The following FAM81A variants were observed in gnomAD, a reference collection of about 807,000 sequenced individuals.
FAM81A encodes the protein protein FAM81A.
A neutral mutation model predicts 46.7 loss-of-function variants in FAM81A; 19 were observed. The ratio of observed to expected loss-of-function variants is 0.41; its 90% CI spans 0.28 to 0.60. The LOEUF is 0.60. Among genes scored for constraint, FAM81A ranks in the 20% least tolerant of loss-of-function variants. FAM81A has a pLI of 0.34. For missense variants in FAM81A, 377 were observed against 453.5 expected, an observed-to-expected ratio of 0.83 and a Z score of 1.53; for synonymous variants, 183 against 152.9, an observed-to-expected ratio of 1.20 and a Z score of -1.45.
At chr15:59,519,309 C>G (rs746642956) in intron 8 of FAM81A, among the ~76,000 whole-genome samples, 6 of 151,948 alleles carry the variant, frequency 3.9e-5, no homozygotes, top group Non-Finnish European at 7.4e-5. Context: ...ATACCTCAGC[C>G]CCGCGGGTAG....
At chr15:59,427,510 GT>G (rs1348454316) in intron 2 of FAM81A, among the ~76,000 whole-genome samples, 1 of 151,854 alleles carries the variant, frequency 6.6e-6, no homozygotes, top group Non-Finnish European at 1.5e-5. Context: ...TATTTATTCT[GT>G]TTTTTTAATA....
chr15:59,414,053 A>G (rs2081134661), intron 2 of FAM81A, among the ~76,000 whole-genome samples: 1 of 152,140 alleles, frequency 6.6e-6, no homozygotes, highest in Admixed American at 6.5e-5. Flanking sequence ...TCCCGGGTTC[A>G]AGCGATTCTC....
chr15:59,512,002 T>C (rs2082215125), intron 6 of FAM81A, among the ~76,000 whole-genome samples: 1 of 152,088 alleles, frequency 6.6e-6, no homozygotes, highest in Admixed American at 6.5e-5. Flanking sequence ...CCAAAACAAA[T>C]GTCCATCAAC....
At position 59,467,334 on chromosome 15, in the gene FAM81A, C is replaced by CA. The variant is rs552343302; in HGVS notation, c.294+7129dup. Among the ~76,000 whole-genome samples the CA allele has an allele frequency of 3.3e-5, 5 of 152,266 alleles. No homozygotes were observed. The South Asian group carries it at 1.0e-3, about 32-fold the overall frequency. ...TTTCACGATATTGATTCTTCCTATCCATGAGCATGGAATATTCTTCCATTT... is the reference window on the plus strand; with the variant it reads ...TTTCACGATATTGATTCTTCCTATCCAATGAGCATGGAATATTCTTCCATTT... On this transcript the variant is annotated intron_variant, in intron 3 of 8. Transcript: ENST00000288228.
chr15:59,472,287 G>A (rs775431719), intron 3 of FAM81A, among the ~76,000 whole-genome samples: 24 of 152,068 alleles, frequency 1.6e-4, no homozygotes, highest in African/African-American at 5.6e-4. Context: ...GCAGTGAGCC[G>A]TAGTCATGCC....
At position 59,489,264 on chromosome 15, in the gene FAM81A, CAAATACAT is replaced by C. The variant is rs1413416060; in HGVS notation, c.295-3005_295-2998del. ...GGGACAACAGAGCGAGACTCCATCT[CAAATACAT>C]ACATACATACATACATACATACATA... On this transcript the variant is annotated intron_variant, in intron 3 of 8. Transcript: ENST00000288228. Among the ~76,000 whole-genome samples the C allele has an allele frequency of 4.0e-3, 502 of 126,582 alleles. 1 individual carries two copies. Among genetic ancestry groups the C allele is most frequent in the African/African-American group, 0.016 (486 of 31,118 alleles). 83.0% of individuals were successfully genotyped at this position (126,582 alleles called of 152,430 possible).
Position 59,465,162 on chromosome 15 carries a change from A to G in FAM81A, c.294+4956A>G, listed in dbSNP as rs147333126. Among the ~76,000 whole-genome samples the G allele has an allele frequency of 5.6e-3, 859 of 152,082 alleles. 5 individuals are homozygous for G. The highest frequency in any genetic ancestry group is 0.02 in the African/African-American group (838 of 41,468). ...ATTTCTAGGTTCTCTTTTCTGTTCC[A>G]TTGTTCTATGTGTCTATTTTTATGC... On this transcript the variant is annotated intron_variant, in intron 3 of 8. Transcript: ENST00000288228.
At chr15:59,461,398 G>A (rs1009087056) in intron 3 of FAM81A, among the ~76,000 whole-genome samples, 6 of 152,154 alleles carry the variant, frequency 3.9e-5, no homozygotes, top group African/African-American at 1.4e-4. Flanking sequence ...CGATCCTCCT[G>A]CATCGGCGTC....
At chr15:59,513,696 T>C (rs1415685462) in intron 6 of FAM81A, among the ~76,000 whole-genome samples, 1 of 151,930 alleles carries the variant, frequency 6.6e-6, no homozygotes, top group African/African-American at 2.4e-5. Flanking sequence ...GAACCAGAAA[T>C]ACCATTTGAC....
chr15:59,509,254 A>T (rs192031997), intron 6 of FAM81A, among the ~76,000 whole-genome samples: 2 of 152,306 alleles, frequency 1.3e-5, no homozygotes, highest in East Asian at 3.9e-4. Context: ...CTCTGTTCTT[A>T]TCCTTGTGGA....
rs1288387300 is a variant in FAM81A at position 59,441,954 on chromosome 15, A to G, written c.-78+3672A>G. 4.6e-5 allele frequency among the ~76,000 whole-genome samples: 7 copies of G among 152,168 alleles called. 1 individual carries two copies. Among genetic ancestry groups the G allele is most frequent in the Non-Finnish European group, 7.3e-5 (5 of 68,042 alleles). The stretch of plus-strand genomic sequence containing the variant: ...TCACTGGGCGCCCTCGCCCACTTGT[A>G]CTACTTCCTCTAATCCTCACTCCAA... On this transcript the variant is annotated intron_variant, in intron 1 of 8. Coordinates refer to ENST00000288228, the MANE Select transcript of FAM81A (RefSeq NM_152450.3).
chr15:59,411,202 G>C (rs2081119067), intron 2 of FAM81A, among the ~76,000 whole-genome samples: 1 of 152,176 alleles, frequency 6.6e-6, no homozygotes, highest in Non-Finnish European at 1.5e-5. Context: ...AGGAGGGTTA[G>C]GGACCATGCA....
intron 3 of FAM81A, among the ~76,000 whole-genome samples, chr15:59,471,558 G>A (rs1355092590): frequency 6.6e-6 from 1 of 152,026 alleles, no homozygotes; most frequent in African/African-American, 2.4e-5. Context: ...AAACTCCTGG[G>A]CTCAAGTGAT....
At chr15:59,421,802 A>G (rs55971531) in intron 2 of FAM81A, among the ~76,000 whole-genome samples, 1 of 143,752 alleles carries the variant, frequency 7.0e-6, no homozygotes, top group Admixed American at 6.9e-5. Flanking sequence ...TACCTACCTA[A>G]CTACCTACCA....
chr15:59,405,614 C>G lies in FAM81A; in HGVS notation c.-78+3256C>G, dbSNP rs188267111. 3.3e-5 allele frequency among the ~76,000 whole-genome samples: 5 copies of G among 151,134 alleles called. No homozygotes were observed. In the East Asian group the frequency reaches 7.8e-4, roughly 23 times the overall value. ...CGAGATCACGCCACTGCACACCAGC[C>G]TGGGCGACAGAGTGAGACTTCATCT... On this transcript the variant is annotated intron_variant, in intron 2 of 4. Coordinates refer to the FAM81A transcript ENST00000558348.
chr15:59,475,144 C>T (rs1328218374), intron 3 of FAM81A, among the ~76,000 whole-genome samples: 5 of 151,808 alleles, frequency 3.3e-5, no homozygotes, highest in African/African-American at 1.2e-4. Flanking sequence ...TTATTTTTTC[C>T]AAAACCTTTT....
In FAM81A at chr15:59,430,254, CTTTTTTTTTTTT is replaced by C. The variant is rs5812977; in HGVS notation, c.-78+27913_-78+27924del. ...GCACCAAATACACAGACCTATTTCC[CTTTTTTTTTTTT>C]TTTTTTTTTTTTTTTTGAGATGGAG... On this transcript the variant is annotated intron_variant, in intron 2 of 4. Coordinates refer to the FAM81A transcript ENST00000558348. 5.4e-4 allele frequency among the ~76,000 whole-genome samples: 47 copies of C among 87,456 alleles called. 1 individual carries two copies. Among genetic ancestry groups the C allele is most frequent in the East Asian group, 4.3e-3 (12 of 2,774 alleles). The allele number at this position is 87,456 out of a possible 152,430, so 57.4% of individuals were successfully genotyped here. A position where few individuals can be genotyped will look rare whatever the true frequency, so the allele number is the denominator to read the frequency against.
chr15:59,451,432 A>G (rs1005566002), intron 1 of FAM81A, among the ~76,000 whole-genome samples: 61 of 145,902 alleles, frequency 4.2e-4, no homozygotes, highest in African/African-American at 1.5e-3. Context: ...CTGGATTCCT[A>G]GGTCCTTGAA....
At position 59,460,522 on chromosome 15, in the gene FAM81A, A is replaced by G; in HGVS notation, c.294+316A>G. 2.4e-6 allele frequency: 1 copy of G among 409,682 alleles called. No individual in the cohort carries two copies. Among genetic ancestry groups the G allele is most frequent in the Non-Finnish European group, 4.6e-6 (1 of 217,942 alleles). The allele number at this position is 409,682 out of a possible 1,614,324, so 25.4% of individuals were successfully genotyped here. On this transcript the variant is annotated intron_variant, in intron 3 of 8. Transcript: ENST00000288228. The surrounding 1 kb of genome is among the most constrained non-coding windows in gnomAD (Gnocchi z 4.4). The stretch of plus-strand genomic sequence containing the variant: ...ACTAGTCGAATAGTTTCACTCTATA[A>G]TCTTTCATATCTTTGAAGACAGCTA...
Sources: allele counts gnomAD v4.1 joint callset (sites outside exome capture counted in the v4.1 genomes callset), GRCh38; gene constraint gnomAD v4.1.1; non-coding constraint Gnocchi (gnomAD v3.1); transcripts MANE v1.5; gene names NCBI Gene and HGNC (gene_info 2026-07-23, HGNC 2026-07-21).